The following RBFOX1 variants were observed in gnomAD, a reference collection of about 807,000 sequenced individuals.
RBFOX1 encodes the protein RNA binding fox-1 homolog 1, also known as RNA binding protein fox-1 homolog 1.
A neutral mutation model predicts 57.7 loss-of-function variants in RBFOX1; 8 were observed. That is an observed-to-expected ratio of 0.14 (90% CI 0.08 to 0.25). RBFOX1 has a LOEUF of 0.25. Ranked by LOEUF, RBFOX1 falls within the 10% of genes least tolerant of loss-of-function variation. RBFOX1 has a pLI of 1.00. For synonymous variants in RBFOX1, 326 were observed against 222.4 expected (o/e 1.47, Z -4.15); for missense variants, 611 against 548.5 (o/e 1.11, Z -1.14).
At chr16:6,234,371 A>G (rs2097489031) in intron 1 of RBFOX1, among the ~76,000 whole-genome samples, 1 of 152,160 alleles carries the variant, frequency 6.6e-6, no homozygotes. Context: ...TTCTTTGATT[A>G]TTATCTTCCT....
chr16:5,357,211 G>T (rs1596641756), intron 1 of RBFOX1, among the ~76,000 whole-genome samples: 1 of 152,130 alleles, frequency 6.6e-6, no homozygotes, highest in Non-Finnish European at 1.5e-5. Flanking sequence ...TAGCAGTGGG[G>T]TTGCCACAGC....
chr16:6,940,334 T>A (rs1028085296), intron 3 of RBFOX1, among the ~76,000 whole-genome samples: 3 of 152,192 alleles, frequency 2.0e-5, no homozygotes, highest in Non-Finnish European at 4.4e-5. Flanking sequence ...TTTTGGGAGA[T>A]GCTTAAAAGC....
At chr16:6,672,642 G>C (rs1003406853) in intron 3 of RBFOX1, among the ~76,000 whole-genome samples, 1 of 152,100 alleles carries the variant, frequency 6.6e-6, no homozygotes, top group Non-Finnish European at 1.5e-5. Flanking sequence ...CATGGATCCA[G>C]GTCCTGAAAT....
chr16:6,004,336 C>G (rs8054428), intron 4 of RBFOX1, among the ~76,000 whole-genome samples: 1 of 152,152 alleles, frequency 6.6e-6, no homozygotes, highest in Admixed American at 6.5e-5. Context: ...GTTTTCTTAT[C>G]TGCAAAATGG....
At chr16:6,899,419 A>G (rs1369455053) in intron 3 of RBFOX1, among the ~76,000 whole-genome samples, 1 of 152,192 alleles carries the variant, frequency 6.6e-6, no homozygotes, top group African/African-American at 2.4e-5. Flanking sequence ...GCATGGATAC[A>G]TTACAATTTT....
At chr16:5,423,693 T>G (rs918515282) in intron 1 of RBFOX1, among the ~76,000 whole-genome samples, 1 of 152,216 alleles carries the variant, frequency 6.6e-6, no homozygotes, top group African/African-American at 2.4e-5. Flanking sequence ...TGCTGTCTGC[T>G]CTGTCCCCCC....
At chr16:7,245,282 G>T (rs2094244153) in intron 4 of RBFOX1, among the ~76,000 whole-genome samples, 1 of 152,068 alleles carries the variant, frequency 6.6e-6, no homozygotes, top group African/African-American at 2.4e-5. Context: ...CTTTGAAGAT[G>T]TTATTTCATT....
chr16:6,305,160 A>G (rs992106122), intron 1 of RBFOX1, among the ~76,000 whole-genome samples: 2 of 152,180 alleles, frequency 1.3e-5, no homozygotes, highest in Non-Finnish European at 2.9e-5. Context: ...GGGTAGTCAT[A>G]AGCATGTGAT....
chr16:6,850,301 C>T (rs1567550443), intron 3 of RBFOX1, among the ~76,000 whole-genome samples: 1 of 152,068 alleles, frequency 6.6e-6, no homozygotes. Flanking sequence ...CAAATATTGA[C>T]AGGTACGATG....
At chr16:6,493,968 A>G (rs1019746536) in intron 2 of RBFOX1, among the ~76,000 whole-genome samples, 1 of 152,260 alleles carries the variant, frequency 6.6e-6, no homozygotes, top group Non-Finnish European at 1.5e-5. Context: ...ATTTTCCTGT[A>G]TACCAGAAGA....
At chr16:6,486,364 G>A (rs1250302708) in intron 2 of RBFOX1, among the ~76,000 whole-genome samples, 1 of 151,872 alleles carries the variant, frequency 6.6e-6, no homozygotes, top group African/African-American at 2.4e-5. Flanking sequence ...TAGATTTTGA[G>A]CACAGTTGTA....
At chr16:6,341,533 C>A (rs559025101) in intron 2 of RBFOX1, among the ~76,000 whole-genome samples, 35 of 152,192 alleles carry the variant, frequency 2.3e-4, no homozygotes, top group African/African-American at 6.3e-4. Flanking sequence ...ATCTTGAAAA[C>A]AAAAGGATTC....
chr16:6,994,470 A>C (rs1434610027), intron 3 of RBFOX1, among the ~76,000 whole-genome samples: 1 of 152,198 alleles, frequency 6.6e-6, no homozygotes, highest in Non-Finnish European at 1.5e-5. Flanking sequence ...CCATGCTAAG[A>C]ACTGTTAGGA....
intron 2 of RBFOX1, among the ~76,000 whole-genome samples, chr16:6,381,745 C>G (rs1351760455): frequency 1.3e-5 from 2 of 152,214 alleles, no homozygotes; most frequent in East Asian, 1.9e-4. Context: ...ATGCCTGGGG[C>G]TACCGCATCT....
intron 4 of RBFOX1, among the ~76,000 whole-genome samples, chr16:7,184,038 C>T (rs532621138): frequency 6.6e-6 from 1 of 152,278 alleles, no homozygotes; most frequent in African/African-American, 2.4e-5. Context: ...TGGAGGTGGC[C>T]TAAAGCCCAG....
chr16:7,592,800 A>G (rs1396873948), intron 7 of RBFOX1, among the ~76,000 whole-genome samples: 1 of 152,158 alleles, frequency 6.6e-6, no homozygotes, highest in Non-Finnish European at 1.5e-5. Flanking sequence ...TCAGCAATAT[A>G]AAATTCTATT....
At chr16:6,256,480 G>A (rs1305558929) in intron 1 of RBFOX1, among the ~76,000 whole-genome samples, 1 of 151,306 alleles carries the variant, frequency 6.6e-6, no homozygotes, top group African/African-American at 2.4e-5. Flanking sequence ...GTGAATCAGA[G>A]AAGTTGATGA....
At chr16:6,461,389 G>A (rs1421588068) in intron 2 of RBFOX1, among the ~76,000 whole-genome samples, 1 of 152,178 alleles carries the variant, frequency 6.6e-6, no homozygotes, top group East Asian at 1.9e-4. Context: ...TGAGGTTTGA[G>A]GGATTAAGAC....
chr16:6,827,801 C>T (rs1004729027), intron 3 of RBFOX1, among the ~76,000 whole-genome samples: 2 of 152,238 alleles, frequency 1.3e-5, no homozygotes, highest in Non-Finnish European at 2.9e-5. Context: ...TATCCCAGGT[C>T]AGCTTCGCTT....
Sources: gnomAD v4.1 joint callset for allele counts (sites outside exome capture counted in the v4.1 genomes callset) on GRCh38, gnomAD v4.1.1 for gene constraint, MANE v1.5 for transcripts, NCBI Gene and HGNC (gene_info 2026-07-23, HGNC 2026-07-21) for gene names.